Variants in VAT1L observed in about 807,000 individuals in gnomAD.
VAT1L encodes the protein putative NADPH-dependent quinone oxidoreductase VAT1L.
VAT1L carries 34 observed loss-of-function variants against 44.1 expected under a neutral mutation model. The ratio of observed to expected loss-of-function variants is 0.77; its 90% confidence interval spans 0.59 to 1.03. The LOEUF is 1.03. Among genes scored for constraint, VAT1L ranks in the 50% least tolerant of loss-of-function variants. The probability of loss-of-function intolerance (pLI) is 0.00; values close to 1 mark genes in which losing one functional copy is unlikely to be tolerated. For missense variants in VAT1L, 615 were observed against 538.8 expected, an observed-to-expected ratio of 1.14 and a Z score of -1.40; for synonymous variants, 253 against 202.2, an observed-to-expected ratio of 1.25 and a Z score of -2.13.
At chr16:77,872,227 C>T (rs888328212) in intron 4 of VAT1L, among the ~76,000 whole-genome samples, 6 of 152,032 alleles carry the variant, frequency 3.9e-5, no homozygotes, top group African/African-American at 9.7e-5. Context: ...TGCCCTTGAG[C>T]CACCCCTCTC....
Position 77,873,006 on chromosome 16 carries a change from G to A in VAT1L, c.723-3364G>A, listed in dbSNP as rs548252809. 2.0e-5 allele frequency among the ~76,000 whole-genome samples: 3 copies of A among 152,204 alleles called. No individual in the cohort carries two copies. In the South Asian group the frequency reaches 6.2e-4, roughly 32 times the overall value. Reference sequence around the variant, plus strand: ...CTTTTGGTCTAGATGTTTGATCTAGGCCAAACTTTGATCAAATGTAATCAG... The same window carrying A: ...CTTTTGGTCTAGATGTTTGATCTAGACCAAACTTTGATCAAATGTAATCAG... On this transcript the variant is annotated intron_variant, in intron 4 of 8. Coordinates refer to ENST00000302536, the MANE Select transcript of VAT1L (RefSeq NM_020927.3).
chr16:77,863,115 G>A (rs1219333714), intron 4 of VAT1L, among the ~76,000 whole-genome samples: 2 of 152,202 alleles, frequency 1.3e-5, no homozygotes, highest in African/African-American at 4.8e-5. Flanking sequence ...GAAAGTTAAT[G>A]TATTAAAGTT....
At chr16:77,880,302 G>A (rs2017136974) in intron 6 of VAT1L, among the ~76,000 whole-genome samples, 1 of 152,036 alleles carries the variant, frequency 6.6e-6, no homozygotes, top group Non-Finnish European at 1.5e-5. Flanking sequence ...GATTACAGGT[G>A]TGTGCCACTA....
chr16:77,788,755 G>C lies in VAT1L; in HGVS notation c.73G>C (p.Ala25Pro). 3 of 1,561,532 alleles carry C rather than the reference G, an allele frequency of 1.9e-6. No individual in the cohort carries two copies. The highest frequency in any genetic ancestry group is 2.6e-6 in the Non-Finnish European group (3 of 1,152,654). Residue 25 changes from alanine (A) to proline (P), a missense_variant, in exon 1 of 9, where the codon GCG (alanine) becomes CCG (proline). Ala to Pro is a conservative substitution (Grantham distance 27). Coordinates refer to ENST00000302536, the MANE Select transcript of VAT1L (RefSeq NM_020927.3). ...MIEKEAGKEPAEGGGGDGSHR... is the reference protein window; with the variant it reads ...MIEKEAGKEPPEGGGGDGSHR... ...CGAGAAGGAGGCAGGCAAGGAGCCGGCGGAGGGCGGCGGCGGCGACGGCTC... is the reference window on the plus strand; with the variant it reads ...CGAGAAGGAGGCAGGCAAGGAGCCGCCGGAGGGCGGCGGCGGCGACGGCTC...
rs186009065 is a variant in VAT1L, at chr16:77,915,783, C to G, written c.1077+30981C>G. 8.4e-4 allele frequency among the ~76,000 whole-genome samples: 127 copies of G among 152,052 alleles called. 2 individuals are homozygous for G. In the East Asian group the frequency reaches 0.024, roughly 28 times the overall value. ...GATAGAGGGTCTCACAAAGCAGCAG[C>G]TGACCCTGAGACAGAGAATCATATA... On this transcript the variant is annotated intron_variant, in intron 7 of 8. Coordinates refer to ENST00000302536, the MANE Select transcript of VAT1L (RefSeq NM_020927.3).
Position 77,876,400 on chromosome 16 carries a change from G to C in VAT1L, c.753G>C (p.Leu251Phe). The change falls in exon 5 of 9, where the codon TTG (leucine) becomes TTC (phenylalanine). Residue 251 changes from leucine to phenylalanine, a missense_variant. Physicochemically the swap from Leu to Phe is conservative, Grantham distance 22. Coordinates refer to ENST00000302536, the MANE Select transcript of VAT1L (RefSeq NM_020927.3). ...RISAEGVDIV[L>F]DCLCGDNTGK... ...CTGCTGAAGGTGTGGACATCGTTTT[G>C]GATTGCCTCTGTGGGGACAACACTG... 2 of 1,614,152 alleles carry C rather than the reference G, an allele frequency of 1.2e-6. No homozygotes were observed. Among genetic ancestry groups the C allele is most frequent in the Non-Finnish European group, 1.7e-6 (2 of 1,180,024 alleles).
rs371181895 is a variant in VAT1L, at chr16:77,884,597, T to C, written c.883-11T>C. On this transcript the variant is annotated splice_polypyrimidine_tract_variant and intron_variant, in intron 6 of 8. Transcript: ENST00000302536. The surrounding 1 kb of genome is among the most constrained non-coding windows in gnomAD (Gnocchi z 4.5). Reference sequence around the variant, plus strand: ...TGAGTTCCTATAACCCAATACCACCTCTCTTTGCAGTGGTGGCAGGTGGAG... The same window carrying C: ...TGAGTTCCTATAACCCAATACCACCCCTCTTTGCAGTGGTGGCAGGTGGAG... 1.3e-5 allele frequency: 21 copies of C among 1,611,344 alleles called. No homozygotes were observed. The highest frequency in any genetic ancestry group is 1.8e-5 in the Non-Finnish European group (21 of 1,179,094).
intron 7 of VAT1L, among the ~76,000 whole-genome samples, chr16:77,949,456 T>C (rs1234803746): frequency 6.6e-6 from 1 of 152,204 alleles, no homozygotes; most frequent in African/African-American, 2.4e-5. Flanking sequence ...TCCCCAAACC[T>C]CATGTGGAAA....
At chr16:77,891,022 A>G (rs2017259846) in intron 7 of VAT1L, among the ~76,000 whole-genome samples, 1 of 151,852 alleles carries the variant, frequency 6.6e-6, no homozygotes, top group Non-Finnish European at 1.5e-5. Flanking sequence ...ACATATGGCT[A>G]TTTAAATTTA....
intron 7 of VAT1L, among the ~76,000 whole-genome samples, chr16:77,906,852 A>T (rs2017442725): frequency 6.6e-6 from 1 of 152,208 alleles, no homozygotes; most frequent in Non-Finnish European, 1.5e-5. Flanking sequence ...CAAGAAGTTG[A>T]TCAAAGTCTG....
intron 7 of VAT1L, among the ~76,000 whole-genome samples, chr16:77,935,630 A>AAG (rs754547336): frequency 3.3e-5 from 5 of 149,316 alleles, no homozygotes; most frequent in East Asian, 3.9e-4. Flanking sequence ...GAGTGGGGGG[A>AAG]AGAGAGAGAG....
chr16:77,955,803 A>G (rs2018097709), intron 7 of VAT1L, among the ~76,000 whole-genome samples: 1 of 151,798 alleles, frequency 6.6e-6, no homozygotes, highest in African/African-American at 2.4e-5. Context: ...AGAAGTACAA[A>G]GGAAATAAAC....
chr16:77,891,125 C>T (rs973430984), intron 7 of VAT1L, among the ~76,000 whole-genome samples: 2 of 151,924 alleles, frequency 1.3e-5, no homozygotes, highest in African/African-American at 2.4e-5. Context: ...GAGGCCGAGG[C>T]GGGCGGATCA....
chr16:77,830,673 C>A (rs1489111291), intron 3 of VAT1L, among the ~76,000 whole-genome samples: 1 of 152,146 alleles, frequency 6.6e-6, no homozygotes, highest in African/African-American at 2.4e-5. Flanking sequence ...AACTGTGAGT[C>A]CATTAAACCT....
chr16:77,868,262 G>A (rs1037997793), intron 4 of VAT1L, among the ~76,000 whole-genome samples: 8 of 152,172 alleles, frequency 5.3e-5, no homozygotes, highest in African/African-American at 1.4e-4. Flanking sequence ...ACAGTTGTAT[G>A]GGTACATCAC....
intron 7 of VAT1L, among the ~76,000 whole-genome samples, chr16:77,908,026 G>A (rs1320579782): frequency 6.6e-6 from 1 of 152,148 alleles, no homozygotes; most frequent in Non-Finnish European, 1.5e-5. Flanking sequence ...GGATCACCAG[G>A]TCAGGAGATT....
chr16:77,967,566 A>C (rs1235226941), intron 7 of VAT1L, among the ~76,000 whole-genome samples: 1 of 152,218 alleles, frequency 6.6e-6, no homozygotes, highest in African/African-American at 2.4e-5. Flanking sequence ...AAATACTGCT[A>C]ATCCTTTATC....
rs373540835 is a variant in VAT1L at position 77,904,445 on chromosome 16, G to T, written c.1077+19643G>T. Among the ~76,000 whole-genome samples, 14 of 152,136 alleles carry T rather than the reference G, an allele frequency of 9.2e-5. No individual in the cohort carries two copies. The East Asian group carries it at 1.9e-3, about 21-fold the overall frequency. On this transcript the variant is annotated intron_variant, in intron 7 of 8. Coordinates refer to ENST00000302536, the MANE Select transcript of VAT1L (RefSeq NM_020927.3). ...TCAAGATCAAGGTGTCAGCTAATTTGGTTCCTGGTAAGGGCTGTCTCTGGC... is the reference window on the plus strand; with the variant it reads ...TCAAGATCAAGGTGTCAGCTAATTTTGTTCCTGGTAAGGGCTGTCTCTGGC...
At chr16:77,904,193 T>A (rs570661922) in intron 7 of VAT1L, among the ~76,000 whole-genome samples, 1 of 152,158 alleles carries the variant, frequency 6.6e-6, no homozygotes, top group South Asian at 2.1e-4. Context: ...GCTTTTTTTT[T>A]TTTTTTTCCA....
Sources: allele counts gnomAD v4.1 joint callset (sites outside exome capture counted in the v4.1 genomes callset), GRCh38; gene constraint gnomAD v4.1.1; non-coding constraint Gnocchi (gnomAD v3.1); transcripts MANE v1.5; gene names NCBI Gene and HGNC (gene_info 2026-07-23, HGNC 2026-07-21).